The following MYO1B variants were observed in gnomAD, a reference collection of about 807,000 sequenced individuals.
The protein encoded by MYO1B is unconventional myosin-Ib.
A neutral mutation model predicts 159.7 loss-of-function variants in MYO1B; 72 were observed. The observed-to-expected ratio is 0.45, with a 90% CI of 0.37 to 0.55. MYO1B has a LOEUF of 0.55. MYO1B is among the 20% of genes least tolerant of loss of function. The pLI is 0.00. For synonymous variants in MYO1B, 468 were observed against 473.8 expected (o/e 0.99, Z 0.16); for missense variants, 1,062 against 1,364.8 (o/e 0.78, Z 3.50).
chr2:191,300,834 G>T (rs1689284671), intron 3 of MYO1B, among the ~76,000 whole-genome samples: 1 of 151,722 alleles, frequency 6.6e-6, no homozygotes, highest in African/African-American at 2.4e-5. Context: ...AGATACTTTT[G>T]TAATTCATAT....
intron 3 of MYO1B, among the ~76,000 whole-genome samples, 163 bp downstream of exon 3, chr2:191,296,389 T>TA (rs1022080407): frequency 2.2e-4 from 33 of 151,920 alleles, no homozygotes; most frequent in African/African-American, 7.5e-4. Flanking sequence ...TATTTTAAAT[T>TA]AAAAAAAGGC....
At chr2:191,371,528 A>C (rs1267624099) in intron 13 of MYO1B, among the ~76,000 whole-genome samples, 2 of 152,192 alleles carry the variant, frequency 1.3e-5, no homozygotes, top group Admixed American at 6.5e-5. Flanking sequence ...TTTACAGATG[A>C]GAAAGTAAAG....
intron 30 of MYO1B, among the ~76,000 whole-genome samples, chr2:191,416,791 G>T (rs1303989602): frequency 2.0e-5 from 3 of 152,028 alleles, no homozygotes; most frequent in Admixed American, 2.0e-4. Context: ...TCCAGCCTGG[G>T]TGACAGTGTG....
chr2:191,347,142 C>T (rs1247612334), intron 6 of MYO1B, among the ~76,000 whole-genome samples: 2 of 152,228 alleles, frequency 1.3e-5, no homozygotes, highest in Non-Finnish European at 2.9e-5. Context: ...GAGACCCTTC[C>T]TGACCTTTCT....
At chr2:191,375,382 C>G (rs1694631398) in intron 13 of MYO1B, among the ~76,000 whole-genome samples, 1 of 152,114 alleles carries the variant, frequency 6.6e-6, no homozygotes, top group East Asian at 1.9e-4. Context: ...TTTGGTCCTT[C>G]TTATGCTAGA....
At chr2:191,398,863 T>G (rs1574610097) in intron 21 of MYO1B, among the ~76,000 whole-genome samples, 1 of 149,196 alleles carries the variant, frequency 6.7e-6, no homozygotes, top group African/African-American at 2.5e-5. Flanking sequence ...CCAGACGGGG[T>G]GGCGGCCGGG....
intron 23 of MYO1B, chr2:191,401,895 T>C (rs952124414): frequency 1.3e-5 from 2 of 152,280 alleles, no homozygotes; most frequent in African/African-American, 4.8e-5. Context: ...TACTATAATA[T>C]CTTGAACAAT....
At chr2:191,389,772 A>C (rs1436470983) in intron 17 of MYO1B, among the ~76,000 whole-genome samples, 1 of 152,170 alleles carries the variant, frequency 6.6e-6, no homozygotes, top group Non-Finnish European at 1.5e-5. Flanking sequence ...ACATACATTA[A>C]AGTGCATGGA....
At position 191,345,002 on chromosome 2, in the gene MYO1B, C is replaced by T. The variant is rs1156692470; in HGVS notation, c.452-1234C>T. ...TCAAAAGTCAGACCAGATTTTAGCC[C>T]GTAGTTCTCATTTGAACACTCAGTA... is the stretch of plus-strand genomic sequence containing the variant. On this transcript the variant is annotated intron_variant, in intron 5 of 30. Transcript: ENST00000392318. 2.6e-5 allele frequency among the ~76,000 whole-genome samples: 4 copies of T among 152,080 alleles called. No individual in the cohort carries two copies. The East Asian group carries it at 5.8e-4, about 22-fold the overall frequency.
At chr2:191,299,835 G>A (rs569742692) in intron 3 of MYO1B, among the ~76,000 whole-genome samples, 1 of 152,292 alleles carries the variant, frequency 6.6e-6, no homozygotes, top group Non-Finnish European at 1.5e-5. Flanking sequence ...TTTTGTGAGG[G>A]CCAAATATGT....
chr2:191,385,305 C>T (rs1159121469), intron 15 of MYO1B, among the ~76,000 whole-genome samples: 1 of 152,182 alleles, frequency 6.6e-6, no homozygotes, highest in Admixed American at 6.5e-5. Context: ...CTATATGAAA[C>T]AGATATTCTT....
chr2:191,295,518 ATAT>A (rs1241077391), intron 2 of MYO1B, among the ~76,000 whole-genome samples: 1 of 152,162 alleles, frequency 6.6e-6, no homozygotes, highest in Non-Finnish European at 1.5e-5. Flanking sequence ...TAAAACTCTG[ATAT>A]TATGTTAGAT....
chr2:191,408,143 GA>G lies in MYO1B; in HGVS notation c.2586del (p.Ala863ProfsTer23). 6.2e-7 allele frequency: 1 copy of G among 1,613,362 alleles called. No homozygotes were observed. Among genetic ancestry groups the G allele is most frequent in the Non-Finnish European group, 8.5e-7 (1 of 1,179,480 alleles). On this transcript the variant is annotated frameshift_variant, in exon 25 of 31. Transcript: ENST00000392318. LOFTEE classifies it high-confidence loss of function. Reference sequence around the variant, plus strand: ...CGTAGAGAATACAGGAAATTCTTCAGAGCCAATGCTGGAAAGAAAATCTATG... The same window carrying G: ...CGTAGAGAATACAGGAAATTCTTCAGGCCAATGCTGGAAAGAAAATCTATG... ...KVRREYRKFF[R>X]ANAGKKIYEF...
chr2:191,319,179 C>T (rs981387371), intron 3 of MYO1B, among the ~76,000 whole-genome samples: 1 of 152,164 alleles, frequency 6.6e-6, no homozygotes, highest in African/African-American at 2.4e-5. Flanking sequence ...ACACCATAAA[C>T]ATAAGCAATC....
At chr2:191,340,150 C>T (rs1692118957) in intron 4 of MYO1B, among the ~76,000 whole-genome samples, 1 of 152,114 alleles carries the variant, frequency 6.6e-6, no homozygotes, top group Admixed American at 6.5e-5. Context: ...CAAGCATTTT[C>T]TGGGTCCCAG....
intron 2 of MYO1B, among the ~76,000 whole-genome samples, chr2:191,281,170 G>T (rs894751238): frequency 2.0e-5 from 3 of 152,114 alleles, no homozygotes; most frequent in African/African-American, 7.2e-5. Context: ...CTTTGAGGTG[G>T]GTTGACACAC....
intron 12 of MYO1B, among the ~76,000 whole-genome samples, 155 bp from the exon 13 acceptor site, chr2:191,370,072 T>C (rs978445218): frequency 3.9e-5 from 6 of 152,226 alleles, no homozygotes; most frequent in African/African-American, 1.4e-4. Flanking sequence ...TCTATACCAA[T>C]GCCTCATCTC....
At position 191,409,077 on chromosome 2, in the gene MYO1B, A is replaced by G. The variant is rs570289277; in HGVS notation, c.2665A>G (p.Met889Val). 9.9e-6 allele frequency: 16 copies of G among 1,611,850 alleles called. No individual in the cohort carries two copies. Among genetic ancestry groups the G allele is most frequent in the Non-Finnish European group, 1.4e-5 (16 of 1,179,512 alleles). The change falls in exon 26 of 31, where the codon ATG (methionine) becomes GTG (valine). Residue 889 changes from methionine to valine, a missense_variant. Transcript: ENST00000392318. ...ATACTTCTTGGAAATGAAAAATAAG[A>G]TGCCTTCCTTATCTCCAATAGACAA... ...QKYFLEMKNK[M>V]PSLSPIDKNW...
intron 16 of MYO1B, 79 bp from the exon 17 acceptor site, chr2:191,387,145 G>C: frequency 1.4e-6 from 2 of 1,401,496 alleles, no homozygotes; most frequent in African/African-American, 1.4e-5. Flanking sequence ...AATGTAGATA[G>C]TCTTGGAGTA....
Sources: allele counts gnomAD v4.1 joint callset (sites outside exome capture counted in the v4.1 genomes callset), GRCh38; gene constraint gnomAD v4.1.1; transcripts MANE v1.5; gene names NCBI Gene and HGNC (gene_info 2026-07-23, HGNC 2026-07-21).